Variants in PLEKHA5 observed in about 807,000 individuals in gnomAD.
The protein encoded by PLEKHA5 is pleckstrin homology domain-containing family A member 5.
PLEKHA5 carries 55 observed loss-of-function variants against 181.9 expected under a neutral mutation model. That is an observed-to-expected ratio of 0.30 (90% CI 0.24 to 0.38). The LOEUF (loss-of-function observed/expected upper bound fraction) is 0.38, where lower values mean the gene tolerates loss of function less well. Ranked by LOEUF, PLEKHA5 falls within the 10% of genes least tolerant of loss-of-function variation. The pLI, the probability that PLEKHA5 is intolerant of heterozygous loss-of-function variation, is 1.00. For synonymous variants in PLEKHA5, 535 were observed against 529.4 expected (o/e 1.01, Z -0.15); for missense variants, 1,432 against 1,549.5 (o/e 0.92, Z 1.27).
chr12:19,153,310 T>G (rs1391165611), intron 3 of PLEKHA5: 1 of 152,176 alleles, frequency 6.6e-6, no homozygotes, highest in East Asian at 1.9e-4. Context: ...TTTCTTTTAG[T>G]TTGCTTATTC....
intron 20 of PLEKHA5, among the ~76,000 whole-genome samples, chr12:19,324,516 C>G (rs2091647268): frequency 6.6e-6 from 1 of 152,108 alleles, no homozygotes; most frequent in Non-Finnish European, 1.5e-5. Flanking sequence ...ACCTAAAACT[C>G]AAATCCAGAT....
intron 3 of PLEKHA5, among the ~76,000 whole-genome samples, chr12:19,158,157 T>C (rs538483869): frequency 6.6e-6 from 1 of 152,000 alleles, no homozygotes; most frequent in Admixed American, 6.6e-5. Context: ...TCGAGACCAT[T>C]CTAGCTAACA....
intron 21 of PLEKHA5, among the ~76,000 whole-genome samples, chr12:19,341,006 G>A (rs896775631): frequency 9.2e-5 from 14 of 151,546 alleles, no homozygotes; most frequent in South Asian, 2.1e-4. Context: ...GCACAGTGGC[G>A]TATGCCTGTA....
At chr12:19,175,541 G>T (rs1176410391) in intron 3 of PLEKHA5, among the ~76,000 whole-genome samples, 1 of 152,134 alleles carries the variant, frequency 6.6e-6, no homozygotes, top group Non-Finnish European at 1.5e-5. Flanking sequence ...AAAAATTCTG[G>T]TAGGACACAA....
intron 18 of PLEKHA5, chr12:19,321,741 AGTT>A (rs1263812287): frequency 6.6e-6 from 1 of 152,032 alleles, no homozygotes; most frequent in Non-Finnish European, 1.5e-5. Flanking sequence ...AAGATAAGGT[AGTT>A]ATTTTAATAG....
At position 19,297,474 on chromosome 12, in the gene PLEKHA5, T is replaced by C. The variant is rs376905803; in HGVS notation, c.2037+5777T>C. Among the ~76,000 whole-genome samples the C allele has an allele frequency of 9.5e-5, 14 of 147,956 alleles. No homozygotes were observed. In the East Asian group the frequency reaches 2.4e-3, roughly 25 times the overall value. On this transcript the variant is annotated intron_variant, in intron 15 of 31. Transcript: ENST00000429027. ...CGTCTCTACTAAAAATACAAAAAAT[T>C]AGCCGGGCGCGGTGGCGGGCGCCTG...
intron 3 of PLEKHA5, among the ~76,000 whole-genome samples, chr12:19,179,145 A>T (rs2047967010): frequency 6.6e-6 from 1 of 152,200 alleles, no homozygotes; most frequent in African/African-American, 2.4e-5. Context: ...GCAGTTTTTT[A>T]AAATGTGAAA....
At chr12:19,175,868 T>C (rs2047070355) in intron 3 of PLEKHA5, among the ~76,000 whole-genome samples, 1 of 152,194 alleles carries the variant, frequency 6.6e-6, no homozygotes, top group Admixed American at 6.5e-5. Flanking sequence ...AAGATACAAT[T>C]AAAGTATATT....
chr12:19,306,534 C>T lies in PLEKHA5; in HGVS notation c.2038-8280C>T, dbSNP rs779260427. 5.4e-6 allele frequency: 4 copies of T among 745,162 alleles called. 1 individual carries two copies. Among genetic ancestry groups the T allele is most frequent in the African/African-American group, 5.2e-5 (3 of 57,824 alleles). The allele number at this position is 745,162 out of a possible 1,614,324, so 46.2% of individuals were successfully genotyped here. ...TGTTGAAGCAGGAGGGAGAACGCCGCGAGCAGCGCCGTGAGCAACACTACC... is the reference window on the plus strand; with the variant it reads ...TGTTGAAGCAGGAGGGAGAACGCCGTGAGCAGCGCCGTGAGCAACACTACC... On this transcript the variant is annotated intron_variant, in intron 15 of 31. Transcript: ENST00000429027.
chr12:19,368,646 G>A (rs540568122), intron 30 of PLEKHA5, among the ~76,000 whole-genome samples: 2 of 151,912 alleles, frequency 1.3e-5, no homozygotes, highest in Non-Finnish European at 2.9e-5. Flanking sequence ...TACAAAATTA[G>A]CCAGGCATGG....
intron 3 of PLEKHA5, among the ~76,000 whole-genome samples, chr12:19,142,179 G>C (rs992338487): frequency 1.4e-4 from 21 of 151,578 alleles, no homozygotes; most frequent in Non-Finnish European, 2.9e-5. Flanking sequence ...ACACAACATA[G>C]TGTGACCCCC....
intron 3 of PLEKHA5, among the ~76,000 whole-genome samples, chr12:19,143,648 G>A (rs780879171): frequency 6.6e-6 from 1 of 151,786 alleles, no homozygotes; most frequent in Non-Finnish European, 1.5e-5. Flanking sequence ...TTATGTATGC[G>A]GCACATATGC....
chr12:19,199,820 A>G (rs1163028488), intron 3 of PLEKHA5, among the ~76,000 whole-genome samples: 1 of 152,180 alleles, frequency 6.6e-6, no homozygotes, highest in African/African-American at 2.4e-5. Context: ...GGTCACTAAA[A>G]GAGAATGAAA....
chr12:19,205,511 T>G (rs1289641530), intron 3 of PLEKHA5: 9 of 274,950 alleles, frequency 3.3e-5, no homozygotes, highest in Non-Finnish European at 5.0e-5. Context: ...AGTCTATGTA[T>G]TTACTTATAT....
At position 19,347,059 on chromosome 12, in the gene PLEKHA5, C is replaced by T. The variant is rs2153199105; in HGVS notation, c.2775C>T (p.Pro925=). 6.4e-7 allele frequency: 1 copy of T among 1,551,548 alleles called. No individual in the cohort carries two copies. Among genetic ancestry groups the T allele is most frequent in the East Asian group, 2.4e-5 (1 of 40,896 alleles). ...PRSYDFTEQP[P]IIPPLPSDSS... is the part of the protein sequence containing the mutation. ...CCTATGACTTTACAGAGCAGCCTCCCATAATCCCCCCTCTGCCCAGTGATA... is the reference window on the plus strand; with the variant it reads ...CCTATGACTTTACAGAGCAGCCTCCTATAATCCCCCCTCTGCCCAGTGATA... The change falls in exon 24 of 32, where the codon CCC becomes CCT. Residue 925 remains proline, a synonymous_variant. Coordinates refer to ENST00000429027, the MANE Select transcript of PLEKHA5 (RefSeq NM_001256470.2).
rs530234075 is a variant in PLEKHA5, at chr12:19,181,975, A to G, written c.227+49525A>G. On this transcript the variant is annotated intron_variant, in intron 3 of 31. Coordinates refer to ENST00000429027, the MANE Select transcript of PLEKHA5 (RefSeq NM_001256470.2). The stretch of plus-strand genomic sequence containing the variant: ...TGAGCTCAAAGATGATTACTGCTAC[A>G]TAGTCCTTGCTCTCAAGAGATTATA... Among the ~76,000 whole-genome samples, 4 of 152,320 alleles carry G rather than the reference A, an allele frequency of 2.6e-5. No homozygotes were observed. In the East Asian group the frequency reaches 7.7e-4, roughly 29 times the overall value.
In PLEKHA5 at chr12:19,297,344, C is replaced by T. The variant is rs540400670; in HGVS notation, c.2037+5647C>T. Among the ~76,000 whole-genome samples the T allele has an allele frequency of 2.2e-3, 331 of 151,918 alleles. 2 individuals carry two copies. Among genetic ancestry groups the T allele is most frequent in the Non-Finnish European group, 3.2e-3 (215 of 67,940 alleles). ...CAGTTAAAAAAAAAAAAATACAGGC[C>T]GGGCGCGGTGGCTCACGCCTGTAAT... On this transcript the variant is annotated intron_variant, in intron 15 of 31. Transcript: ENST00000429027.
chr12:19,217,175 T>C (rs1381084600), intron 3 of PLEKHA5, among the ~76,000 whole-genome samples: 1 of 152,176 alleles, frequency 6.6e-6, no homozygotes. Context: ...TACATGGGGT[T>C]TTTCAGTCAT....
intron 3 of PLEKHA5, among the ~76,000 whole-genome samples, chr12:19,193,215 A>C (rs1356527901): frequency 6.6e-6 from 1 of 152,202 alleles, no homozygotes; most frequent in Non-Finnish European, 1.5e-5. Context: ...TGATTTTTTA[A>C]GAAGGAAAGT....
Sources: allele counts gnomAD v4.1 joint callset (sites outside exome capture counted in the v4.1 genomes callset), GRCh38; gene constraint gnomAD v4.1.1; transcripts MANE v1.5; gene names NCBI Gene and HGNC (gene_info 2026-07-23, HGNC 2026-07-21).